Variants in CCDC178 observed in about 807,000 individuals in gnomAD.
CCDC178 encodes the protein coiled-coil domain-containing protein 178.
In CCDC178, 126 loss-of-function variants were observed where a neutral mutation model predicts 117.4. The ratio of observed to expected loss-of-function variants is 1.07; its 90% CI spans 0.93 to 1.24. CCDC178 has a LOEUF of 1.24. Among genes scored for constraint, CCDC178 ranks in the 50% most tolerant of loss-of-function variants. CCDC178 has a pLI of 0.00. For missense variants in CCDC178, 1,030 were observed against 986.9 expected (o/e 1.04, Z -0.59); for synonymous variants, 283 against 313.4 (o/e 0.90, Z 1.02).
chr18:33,293,723 C>T (rs545572525), intron 11 of CCDC178, among the ~76,000 whole-genome samples: 89 of 151,904 alleles, frequency 5.9e-4, no homozygotes, highest in African/African-American at 9.7e-4. Flanking sequence ...TTTAACACAC[C>T]GATGAATCAA....
At chr18:33,333,506 CTTTTTTT>C (rs11361411) in intron 9 of CCDC178, 112 bp from the exon 10 acceptor site, 54 of 152,874 alleles carry the variant, frequency 3.5e-4, no homozygotes, top group East Asian at 7.0e-4. Flanking sequence ...AATCTTACTA[CTTTTTTT>C]TTTTTTTTTT....
intron 20 of CCDC178, among the ~76,000 whole-genome samples, chr18:33,099,730 C>G (rs2057596447): frequency 6.6e-6 from 1 of 151,902 alleles, no homozygotes; most frequent in Non-Finnish European, 1.5e-5. Flanking sequence ...AGAGTTCTCC[C>G]TAGTGTTTCC....
In CCDC178 at chr18:33,192,901, C is replaced by CA. The variant is rs3046443; in HGVS notation, c.2238+18994dup. Among the ~76,000 whole-genome samples, 581 of 96,360 alleles carry CA rather than the reference C, an allele frequency of 6.0e-3. 11 individuals carry two copies. The East Asian group carries it at 0.066, about 11-fold the overall frequency. The allele number at this position is 96,360 out of a possible 152,430, so 63.2% of individuals were successfully genotyped here. ...GGGTGACAAGAGCAAAACTCCGTCT[C>CA]AAAAAAAAAAAAAAGAAAAAGAAGA... On this transcript the variant is annotated intron_variant, in intron 20 of 22. Coordinates refer to ENST00000383096, the MANE Select transcript of CCDC178 (RefSeq NM_001105528.4).
intron 6 of CCDC178, among the ~76,000 whole-genome samples, chr18:33,366,236 G>A (rs939143213): frequency 6.6e-6 from 1 of 152,054 alleles, no homozygotes; most frequent in Non-Finnish European, 1.5e-5. Flanking sequence ...AGGCTGAGGA[G>A]GGAGGATTGT....
intron 21 of CCDC178, among the ~76,000 whole-genome samples, chr18:33,072,950 T>C (rs913730580): frequency 2.2e-4 from 33 of 152,224 alleles, no homozygotes; most frequent in African/African-American, 7.9e-4. Flanking sequence ...AATTATAGTA[T>C]AAAGTATTTA....
rs76191835 is a variant in CCDC178, at chr18:33,097,010, G to T, written c.2239-4100C>A. On this transcript the variant is annotated intron_variant, in intron 20 of 22. Transcript: ENST00000383096. ...AGGTAAACTGTATTTTCCAAAAATG[G>T]CCACAGCAATATTTTCAGTCTCGAT... Among the ~76,000 whole-genome samples, 66 of 152,160 alleles carry T rather than the reference G, an allele frequency of 4.3e-4. 1 individual carries two copies. In the East Asian group the frequency reaches 0.011, roughly 25 times the overall value.
At chr18:33,414,159 TA>T (rs1318870118) in intron 2 of CCDC178, among the ~76,000 whole-genome samples, 4 of 152,272 alleles carry the variant, frequency 2.6e-5, no homozygotes, top group Middle Eastern at 3.4e-3. Flanking sequence ...CATCAAATTT[TA>T]AAATGTCAAA....
chr18:33,200,907 A>G (rs974657370), intron 20 of CCDC178, among the ~76,000 whole-genome samples: 1 of 152,240 alleles, frequency 6.6e-6, no homozygotes, highest in Non-Finnish European at 1.5e-5. Flanking sequence ...ACAACACATG[A>G]CTTCAAAATG....
chr18:33,010,846 A>G (rs2055848433), intron 21 of CCDC178, among the ~76,000 whole-genome samples: 1 of 152,196 alleles, frequency 6.6e-6, no homozygotes, highest in African/African-American at 2.4e-5. Context: ...GAGCAAGACA[A>G]TTTGGAGGTA....
At chr18:33,197,864 A>G (rs1397576057) in intron 20 of CCDC178, among the ~76,000 whole-genome samples, 1 of 152,224 alleles carries the variant, frequency 6.6e-6, no homozygotes, top group Non-Finnish European at 1.5e-5. Flanking sequence ...AAATCAACAA[A>G]GGTTATTGAA....
intron 20 of CCDC178, among the ~76,000 whole-genome samples, chr18:33,160,496 G>C (rs1598945896): frequency 6.6e-6 from 1 of 152,044 alleles, no homozygotes; most frequent in East Asian, 1.9e-4. Context: ...CCTTAGATAA[G>C]TAGAATTTTC....
At chr18:33,305,095 T>C (rs1411501065) in intron 11 of CCDC178, among the ~76,000 whole-genome samples, 1 of 152,124 alleles carries the variant, frequency 6.6e-6, no homozygotes, top group Non-Finnish European at 1.5e-5. Flanking sequence ...CCCCATCTGT[T>C]GAAGGATTAG....
At chr18:33,096,120 C>G (rs960463313) in intron 20 of CCDC178, among the ~76,000 whole-genome samples, 3 of 150,516 alleles carry the variant, frequency 2.0e-5, no homozygotes, top group African/African-American at 7.3e-5. Context: ...CTCCCCACCC[C>G]CCCCACTTGA....
chr18:33,077,700 G>A (rs1222295136), intron 21 of CCDC178, among the ~76,000 whole-genome samples: 2 of 152,050 alleles, frequency 1.3e-5, no homozygotes, highest in Non-Finnish European at 2.9e-5. Flanking sequence ...TAAATTCCTG[G>A]ACACATACAC....
In CCDC178 at chr18:33,076,508, C is replaced by G. The variant is rs376692727; in HGVS notation, c.2388+16253G>C. On this transcript the variant is annotated intron_variant, in intron 21 of 22. Transcript: ENST00000383096. The stretch of plus-strand genomic sequence containing the variant: ...TGAGAGTTTCTAATTATCAGCACTC[C>G]GTATCTTCATTTGTTTTTCCAAATG... Among the ~76,000 whole-genome samples the G allele has an allele frequency of 2.6e-5, 4 of 152,146 alleles. No homozygotes were observed. The South Asian group carries it at 8.3e-4, about 32-fold the overall frequency.
chr18:33,098,363 G>A (rs1421054990), intron 20 of CCDC178, among the ~76,000 whole-genome samples: 1 of 151,868 alleles, frequency 6.6e-6, no homozygotes, highest in Non-Finnish European at 1.5e-5. Context: ...CCAGGCAGAG[G>A]GGCTAGGTTT....
intron 21 of CCDC178, among the ~76,000 whole-genome samples, chr18:32,982,061 TG>T (rs1443155007): frequency 6.6e-6 from 1 of 152,156 alleles, no homozygotes; most frequent in African/African-American, 2.4e-5. Flanking sequence ...ATGACTAGTA[TG>T]TTTTTTCCTT....
chr18:33,111,601 C>T (rs893064309), intron 20 of CCDC178, among the ~76,000 whole-genome samples: 1 of 151,588 alleles, frequency 6.6e-6, no homozygotes, highest in African/African-American at 2.4e-5. Flanking sequence ...TACCTTTTCA[C>T]CTGCTATTTT....
chr18:33,045,910 C>CA (rs973517689), intron 21 of CCDC178, among the ~76,000 whole-genome samples: 3 of 151,522 alleles, frequency 2.0e-5, no homozygotes, highest in African/African-American at 7.3e-5. Context: ...CTAAAAAAAA[C>CA]AAAAAAAATT....
Sources: allele counts gnomAD v4.1 joint callset (sites outside exome capture counted in the v4.1 genomes callset), GRCh38; gene constraint gnomAD v4.1.1; transcripts MANE v1.5; gene names NCBI Gene and HGNC (gene_info 2026-07-23, HGNC 2026-07-21).